CHRDL2: variants seen among roughly 807,000 people sequenced by gnomAD.
The protein encoded by CHRDL2 is chordin-like protein 2.
A neutral mutation model predicts 54.3 loss-of-function variants in CHRDL2; 41 were observed. The ratio of observed to expected loss-of-function variants is 0.76; its 90% CI spans 0.59 to 0.98. CHRDL2 has a LOEUF of 0.98. Among genes scored for constraint, CHRDL2 ranks in the 50% least tolerant of loss-of-function variants. CHRDL2 has a pLI of 0.00. For synonymous variants in CHRDL2, 220 were observed against 224.3 expected (o/e 0.98, Z 0.17); for missense variants, 518 against 562.4 (o/e 0.92, Z 0.80).
In CHRDL2 at chr11:74,696,433, G is replaced by A; in HGVS notation, c.*76C>T. On this transcript the variant is annotated 3_prime_UTR_variant, in exon 11 of 11. Coordinates refer to ENST00000376332, the MANE Select transcript of CHRDL2 (RefSeq NM_001278473.3). ...TATGAACCCAGAAGGCAGGGCTGAG[G>A]GTAATGCAACTTCTTATTTATTAAT... The A allele has an allele frequency of 1.7e-6, 2 of 1,190,218 alleles. No individual in the cohort carries two copies. Among genetic ancestry groups the A allele is most frequent in the Non-Finnish European group, 2.5e-6 (2 of 813,594 alleles). 73.7% of individuals were successfully genotyped at this position (1,190,218 alleles called of 1,614,324 possible).
intron 2 of CHRDL2, among the ~76,000 whole-genome samples, chr11:74,718,361 A>C (rs1199573588): frequency 6.6e-6 from 1 of 152,174 alleles, no homozygotes; most frequent in African/African-American, 2.4e-5. Flanking sequence ...GCTGGAGGAA[A>C]TAGTACGTGA....
At chr11:74,728,786 C>G (rs1349735273) in intron 1 of CHRDL2, among the ~76,000 whole-genome samples, 1 of 152,168 alleles carries the variant, frequency 6.6e-6, no homozygotes, top group African/African-American at 2.4e-5. Flanking sequence ...TGGGTAGAAG[C>G]AGATGGTTTT....
At chr11:74,706,422 A>G in intron 6 of CHRDL2, 65 bp downstream of exon 6, 2 of 1,508,060 alleles carry the variant, frequency 1.3e-6, no homozygotes, top group Non-Finnish European at 1.8e-6. Flanking sequence ...CCCCAGAGTC[A>G]CGAGATTTAG....
intron 3 of CHRDL2, among the ~76,000 whole-genome samples, chr11:74,712,100 G>A (rs979975580): frequency 1.1e-4 from 17 of 152,046 alleles, no homozygotes; most frequent in Non-Finnish European, 2.9e-5. Context: ...ACAAGCCACC[G>A]TGACTGGCCA....
chr11:74,723,827 G>A (rs772066576), intron 1 of CHRDL2, among the ~76,000 whole-genome samples: 5 of 152,200 alleles, frequency 3.3e-5, no homozygotes, highest in African/African-American at 4.8e-5. Context: ...AATTTAAAAC[G>A]TATGAATTCT....
In CHRDL2 at chr11:74,708,346, G is replaced by A; in HGVS notation, c.482C>T (p.Pro161Leu). The stretch of plus-strand genomic sequence containing the variant: ...GGAGTCTGGCAGCGGGAGGGGTGCT[G>A]GGCAGCCTGGTTCGGGGCAGGTTGT... ...GLTTCPEPGC[P>L]APLPLPDSCC... The change falls in exon 5 of 11, where the codon CCA becomes CTA. Residue 161 changes from proline (P) to leucine (L), a missense_variant. Coordinates refer to ENST00000376332, the MANE Select transcript of CHRDL2 (RefSeq NM_001278473.3). 1 of 1,585,712 alleles carries A rather than the reference G, an allele frequency of 6.3e-7. No homozygotes were observed. Among genetic ancestry groups the A allele is most frequent in the South Asian group, 1.1e-5 (1 of 87,260 alleles).
chr11:74,702,361 T>C (rs1185812948), intron 9 of CHRDL2, among the ~76,000 whole-genome samples: 1 of 152,124 alleles, frequency 6.6e-6, no homozygotes, highest in East Asian at 1.9e-4. Context: ...GGTTCTGATG[T>C]CCACTTACCT....
chr11:74,706,477 G>A lies in CHRDL2; in HGVS notation c.582+10C>T, dbSNP rs767397408. 7.4e-6 allele frequency: 12 copies of A among 1,613,576 alleles called. No individual in the cohort carries two copies. The highest frequency in any genetic ancestry group is 1.7e-5 in the Admixed American group (1 of 59,976). Reference sequence around the variant, plus strand: ...TGTCCCGCACCCCGTCAATAAGGCCGTGCACTCACCACCCCATGGAGCGAC... The same window carrying A: ...TGTCCCGCACCCCGTCAATAAGGCCATGCACTCACCACCCCATGGAGCGAC... On this transcript the variant is annotated intron_variant, in intron 6 of 10. Transcript: ENST00000376332.
chr11:74,708,466 C>G (rs996621354), intron 4 of CHRDL2, 71 bp from the exon 5 acceptor site: 6 of 1,203,072 alleles, frequency 5.0e-6, no homozygotes, highest in South Asian at 1.5e-5. Context: ...AGGAACACCC[C>G]CTTCCCTGGG....
intron 9 of CHRDL2, 35 bp from the exon 10 acceptor site, chr11:74,697,332 C>G (rs2033633261): frequency 1.3e-6 from 2 of 1,533,796 alleles, no homozygotes; most frequent in Non-Finnish European, 1.8e-6. Context: ...GCAGGCAAGG[C>G]AAAAACCTAC....
At position 74,704,619 on chromosome 11, in the gene CHRDL2, C is replaced by G. The variant is rs572896756; in HGVS notation, c.618G>C (p.Gly206=). ...HPQDPCSSDA[G]RKRGPGTPAP... is the part of the protein sequence containing the mutation. ...CTGGGGTGCCCGGGCCTCTCTTTCT[C>G]CCAGCATCACTGGAACATGGATCCT... Residue 206 remains glycine (G), a synonymous_variant, in exon 7 of 11, where the codon GGG becomes GGC. Coordinates refer to ENST00000376332, the MANE Select transcript of CHRDL2 (RefSeq NM_001278473.3). 23 of 1,604,746 alleles carry G rather than the reference C, an allele frequency of 1.4e-5. No individual in the cohort carries two copies. The South Asian group carries it at 2.5e-4, about 17-fold the overall frequency.
Position 74,731,245 on chromosome 11 carries a change from G to A in CHRDL2, c.-357C>T, listed in dbSNP as rs61897000. 0.32 allele frequency: 53,435 copies of A among 165,882 alleles called. 9,832 individuals carry two copies. The highest frequency in any genetic ancestry group is 0.56 in the East Asian group (3,287 of 5,908). The allele number at this position is 165,882 out of a possible 1,614,324, so 10.3% of individuals were successfully genotyped here. On this transcript the variant is annotated 5_prime_UTR_variant, in exon 1 of 11. Coordinates refer to ENST00000376332, the MANE Select transcript of CHRDL2 (RefSeq NM_001278473.3). The surrounding 1 kb of genome is among the most constrained non-coding windows in gnomAD (Gnocchi z 4.4). ...GTCTGCCGAGCGCGCAGCGCCGGGC[G>A]AGGCGCGCGGGACCAGCGGGTGTTG...
chr11:74,730,389 G>C (rs1370600989), intron 1 of CHRDL2, among the ~76,000 whole-genome samples: 1 of 152,218 alleles, frequency 6.6e-6, no homozygotes, highest in East Asian at 1.9e-4. Context: ...AGGATCAAAA[G>C]AGAGAAAAGA....
chr11:74,702,074 C>A (rs989363076), intron 9 of CHRDL2, among the ~76,000 whole-genome samples: 15 of 152,046 alleles, frequency 9.9e-5, no homozygotes, highest in Admixed American at 9.2e-4. Context: ...GGCAACATGG[C>A]AAAACCCCAT....
intron 1 of CHRDL2, among the ~76,000 whole-genome samples, chr11:74,720,773 G>C (rs2034484398): frequency 6.6e-6 from 1 of 152,204 alleles, no homozygotes. Flanking sequence ...AGCACTGGGG[G>C]CTGGGCTGGC....
chr11:74,713,276 C>T, intron 3 of CHRDL2, 110 bp downstream of exon 3: 2 of 907,578 alleles, frequency 2.2e-6, no homozygotes, highest in Non-Finnish European at 3.5e-6. Context: ...GTCTACACCT[C>T]TGATGGGTAG....
intron 8 of CHRDL2, 147 bp from the exon 9 acceptor site, chr11:74,703,114 C>G (rs913947374): frequency 9.7e-7 from 1 of 1,030,188 alleles, no homozygotes; most frequent in South Asian, 1.6e-5. Context: ...ATCCTGACAC[C>G]GCATGGTTCT....
intron 1 of CHRDL2, among the ~76,000 whole-genome samples, chr11:74,723,714 A>G (rs567283849): frequency 1.3e-5 from 2 of 152,296 alleles, no homozygotes; most frequent in Admixed American, 6.5e-5. Flanking sequence ...ACGGGCGGGG[A>G]GCATCTACAG....
intron 7 of CHRDL2, among the ~76,000 whole-genome samples, chr11:74,703,833 G>A (rs146526529): frequency 7.4e-4 from 113 of 152,330 alleles, no homozygotes; most frequent in Non-Finnish European, 1.4e-3. Flanking sequence ...CTGGTCATGT[G>A]AGCCCTGGCA....
Sources: allele counts gnomAD v4.1 joint callset (sites outside exome capture counted in the v4.1 genomes callset), GRCh38; gene constraint gnomAD v4.1.1; non-coding constraint Gnocchi (gnomAD v3.1); transcripts MANE v1.5; gene names NCBI Gene and HGNC (gene_info 2026-07-23, HGNC 2026-07-21).